PPP3CC: variants seen among roughly 807,000 people sequenced by gnomAD.
PPP3CC encodes the protein serine/threonine-protein phosphatase 2B catalytic subunit gamma isoform.
Under a neutral mutation model 60.3 loss-of-function variants are expected in PPP3CC, and 35 were observed. The ratio of observed to expected loss-of-function variants is 0.58; its 90% CI spans 0.44 to 0.77. The LOEUF is 0.77. Among genes scored for constraint, PPP3CC ranks in the 30% least tolerant of loss-of-function variants. The probability of loss-of-function intolerance (pLI) is 0.00; values close to 1 mark genes in which losing one functional copy is unlikely to be tolerated. For synonymous variants in PPP3CC, 206 were observed against 224.3 expected, an observed-to-expected ratio of 0.92 and a Z score of 0.73; for missense variants, 570 against 628.9, an observed-to-expected ratio of 0.91 and a Z score of 1.00.
chr8:22,517,545 A>G (rs769496110), intron 6 of PPP3CC, among the ~76,000 whole-genome samples: 9 of 151,806 alleles, frequency 5.9e-5, no homozygotes, highest in South Asian at 2.1e-4. Flanking sequence ...CATATTTGCT[A>G]TTGGTCTGTT....
At chr8:22,493,042 C>G in intron 3 of PPP3CC, 1 of 1,392,008 alleles carries the variant, frequency 7.2e-7, no homozygotes, top group Non-Finnish European at 1.0e-6. Context: ...GAAGTTCCAG[C>G]TCTTGTGGAG....
chr8:22,445,220 A>G (rs1211146881), intron 1 of PPP3CC, among the ~76,000 whole-genome samples: 4 of 152,180 alleles, frequency 2.6e-5, no homozygotes, highest in African/African-American at 9.7e-5. Context: ...GCTTTCTTAA[A>G]ATATTTTAAT....
chr8:22,507,010 T>C (rs1050132947), intron 4 of PPP3CC, among the ~76,000 whole-genome samples: 5 of 151,994 alleles, frequency 3.3e-5, no homozygotes, highest in African/African-American at 4.8e-5. Context: ...TCCCAGCACA[T>C]TGGGAGGCTG....
intron 1 of PPP3CC, among the ~76,000 whole-genome samples, chr8:22,473,004 C>T (rs962670142): frequency 1.3e-5 from 2 of 152,026 alleles, no homozygotes; most frequent in Admixed American, 6.6e-5. Context: ...CTGTATTTAG[C>T]TATTTTAGTG....
At chr8:22,467,672 C>T (rs1837586238) in intron 1 of PPP3CC, among the ~76,000 whole-genome samples, 1 of 152,160 alleles carries the variant, frequency 6.6e-6, no homozygotes, top group Non-Finnish European at 1.5e-5. Flanking sequence ...TATGATCCAC[C>T]TGCCTCCGCC....
intron 3 of PPP3CC, among the ~76,000 whole-genome samples, chr8:22,477,482 A>AAG (rs1554532223): frequency 0.018 from 2,609 of 146,052 alleles, 78 homozygotes; most frequent in African/African-American, 0.063. Flanking sequence ...TCAAAAAAAA[A>AAG]AAAGAAAGAA....
At chr8:22,479,685 A>G (rs1358016569) in intron 3 of PPP3CC, among the ~76,000 whole-genome samples, 1 of 150,694 alleles carries the variant, frequency 6.6e-6, no homozygotes, top group East Asian at 1.9e-4. Flanking sequence ...TGGAGGTTGC[A>G]GTGAGCCCAG....
intron 4 of PPP3CC, among the ~76,000 whole-genome samples, chr8:22,498,494 T>C (rs1188186713): frequency 6.6e-6 from 1 of 152,170 alleles, no homozygotes; most frequent in Non-Finnish European, 1.5e-5. Context: ...TTAGAGGTAA[T>C]CACTGTTATC....
chr8:22,490,272 A>G (rs1838360698), intron 3 of PPP3CC, among the ~76,000 whole-genome samples: 1 of 152,184 alleles, frequency 6.6e-6, no homozygotes, highest in Non-Finnish European at 1.5e-5. Context: ...CAGAGGTTGC[A>G]GGACCCTGAC....
In PPP3CC at chr8:22,476,287, A is replaced by G. The variant is rs1424407859; in HGVS notation, c.372+663A>G. ...GCACATTCCTAGTTAATGTTCATTGATTCAACTCTACATGCTGGCAAATAA... is the reference window on the plus strand; with the variant it reads ...GCACATTCCTAGTTAATGTTCATTGGTTCAACTCTACATGCTGGCAAATAA... On this transcript the variant is annotated intron_variant, in intron 3 of 13. Transcript: ENST00000240139. 4.5e-4 allele frequency among the ~76,000 whole-genome samples: 69 copies of G among 152,250 alleles called. 1 individual carries two copies. The highest frequency in any genetic ancestry group is 2.9e-5 in the Non-Finnish European group (2 of 68,050).
intron 3 of PPP3CC, among the ~76,000 whole-genome samples, chr8:22,478,028 T>A (rs997154630): frequency 2.0e-5 from 3 of 150,542 alleles, no homozygotes; most frequent in Non-Finnish European, 4.4e-5. Flanking sequence ...TTTTTTGTAT[T>A]TTTAGTAGAG....
chr8:22,452,542 TGAA>T (rs1288109263), intron 1 of PPP3CC, among the ~76,000 whole-genome samples: 1 of 152,124 alleles, frequency 6.6e-6, no homozygotes, highest in Admixed American at 6.5e-5. Flanking sequence ...GTTAGCCGGC[TGAA>T]GAAGTGCAGT....
intron 11 of PPP3CC, among the ~76,000 whole-genome samples, chr8:22,532,714 C>T (rs1213521100): frequency 1.3e-5 from 2 of 152,136 alleles, no homozygotes; most frequent in East Asian, 3.9e-4. Flanking sequence ...GGCTGTTAAA[C>T]ACTTCTAATT....
At chr8:22,474,315 C>T (rs1586810239) in intron 1 of PPP3CC, among the ~76,000 whole-genome samples, 1 of 152,236 alleles carries the variant, frequency 6.6e-6, no homozygotes, top group Non-Finnish European at 1.5e-5. Context: ...AACACCTGTT[C>T]TATAGATAGA....
intron 1 of PPP3CC, among the ~76,000 whole-genome samples, chr8:22,460,465 T>A (rs1328266157): frequency 1.3e-5 from 2 of 151,884 alleles, no homozygotes; most frequent in African/African-American, 4.8e-5. Context: ...GCATTGAGAT[T>A]ACAAGCATGA....
At chr8:22,441,677 C>G (rs955949395) in intron 1 of PPP3CC, among the ~76,000 whole-genome samples, 4 of 152,218 alleles carry the variant, frequency 2.6e-5, no homozygotes, top group African/African-American at 9.6e-5. Context: ...GCCAAGTTCC[C>G]TCCCGAAGGG....
intron 12 of PPP3CC, among the ~76,000 whole-genome samples, chr8:22,533,999 G>C (rs1000637482): frequency 9.2e-5 from 14 of 152,068 alleles, no homozygotes; most frequent in African/African-American, 3.4e-4. Context: ...ACGAGTTCAA[G>C]AACAGCCTGG....
chr8:22,515,502 C>A (rs1839219331), intron 6 of PPP3CC, among the ~76,000 whole-genome samples: 1 of 152,200 alleles, frequency 6.6e-6, no homozygotes, highest in East Asian at 1.9e-4. Context: ...AGTGAGATTG[C>A]TGAATTACAT....
chr8:22,473,979 C>T (rs1837810503), intron 1 of PPP3CC, among the ~76,000 whole-genome samples: 1 of 152,114 alleles, frequency 6.6e-6, no homozygotes, highest in Admixed American at 6.5e-5. Context: ...ACTGCAACCT[C>T]TGCCTCCCAC....
Sources: gnomAD v4.1 joint callset for allele counts (sites outside exome capture counted in the v4.1 genomes callset) on GRCh38, gnomAD v4.1.1 for gene constraint, MANE v1.5 for transcripts, NCBI Gene and HGNC (gene_info 2026-07-23, HGNC 2026-07-21) for gene names.